C16orf96: variants seen among roughly 807,000 people sequenced by gnomAD.
C16orf96 encodes uncharacterized protein C16orf96.
A neutral mutation model predicts 103.6 loss-of-function variants in C16orf96; 108 were observed. That is an observed-to-expected ratio of 1.04 (90% CI 0.89 to 1.22). The LOEUF is 1.22. Among genes scored for constraint, C16orf96 ranks in the 50% most tolerant of loss-of-function variants. C16orf96 has a pLI of 0.00. For synonymous variants in C16orf96, 566 were observed against 593.5 expected (o/e 0.95, Z 0.67); for missense variants, 1,586 against 1,464.2 (o/e 1.08, Z -1.36).
Position 4,591,769 on chromosome 16 carries a change from C to T in C16orf96, c.2696C>T (p.Ala899Val). 1 of 1,551,050 alleles carries T rather than the reference C, an allele frequency of 6.4e-7. No homozygotes were observed. The highest frequency in any genetic ancestry group is 8.7e-7 in the Non-Finnish European group (1 of 1,146,856). The stretch of plus-strand genomic sequence containing the variant: ...GGCTTAAGACTGGATCCTGACAGTG[C>T]TGCTGGCTTTAGGAGGTGAGTGCCC... ...IEGLRLDPDSAAGFRRKLFKR... is the reference protein window; with the variant it reads ...IEGLRLDPDSVAGFRRKLFKR... Residue 899 changes from alanine (A) to valine (V), a missense_variant, in exon 10 of 16, where the codon GCT becomes GTT. Ala to Val is a moderately conservative substitution (Grantham distance 64). Transcript: ENST00000444310.
At chr16:4,573,953 C>A (rs977830932) in intron 2 of C16orf96, among the ~76,000 whole-genome samples, 1 of 150,868 alleles carries the variant, frequency 6.6e-6, no homozygotes, top group Non-Finnish European at 1.5e-5. Context: ...CCTGCCTCAG[C>A]CTCCTGAGTA....
rs1291284690 is a variant in C16orf96 at position 4,556,883 on chromosome 16, G to A, written c.394G>A (p.Glu132Lys). ...TCTGATCAAGCTCCGGAAGATGGTG[G>A]AGGGTCATGATGAAGTCATGGCCAA... ...WHLIKLRKMV[E>K]GHDEVMAKSM... Residue 132 changes from glutamate (E) to lysine (K), a missense_variant, in exon 1 of 16, where the codon GAG becomes AAG. Transcript: ENST00000444310. 2.6e-6 allele frequency: 4 copies of A among 1,548,964 alleles called. No individual in the cohort carries two copies. In the South Asian group the frequency reaches 4.8e-5, roughly 18 times the overall value.
chr16:4,586,682 G>A (rs1014249140), intron 7 of C16orf96, among the ~76,000 whole-genome samples: 4 of 152,228 alleles, frequency 2.6e-5, no homozygotes, highest in African/African-American at 9.6e-5. Context: ...GTAGACTGGA[G>A]TTCCTGCTGG....
chr16:4,578,431 C>T (rs2059540379), intron 5 of C16orf96, among the ~76,000 whole-genome samples: 1 of 152,094 alleles, frequency 6.6e-6, no homozygotes, highest in South Asian at 2.1e-4. Flanking sequence ...GCGTGAGCCA[C>T]TGCACCTGAT....
upstream of C16orf96, among the ~76,000 whole-genome samples, chr16:4,555,361 G>A (rs1596509130): frequency 6.6e-6 from 1 of 151,578 alleles, no homozygotes; most frequent in African/African-American, 2.4e-5. Context: ...AGAAATGAAT[G>A]TAGTTCTTCA....
the C16orf96 span, among the ~76,000 whole-genome samples, chr16:4,546,634 A>G: frequency 1.3e-5 from 2 of 151,118 alleles, no homozygotes; most frequent in South Asian, 2.1e-4. Context: ...CCAGCTATTT[A>G]TTTGTTATTT....
chr16:4,594,493 G>A lies in C16orf96; in HGVS notation c.3010G>A (p.Val1004Met), dbSNP rs374456987. Residue 1004 changes from valine to methionine, a missense_variant, in exon 13 of 16, where the codon GTG becomes ATG. Transcript: ENST00000444310. ...GCTCTATCCCTACGGGGATCCCCACGTGATCGACTATGACAGCGTGAGTCT... is the reference window on the plus strand; with the variant it reads ...GCTCTATCCCTACGGGGATCCCCACATGATCGACTATGACAGCGTGAGTCT... Reference protein sequence around the residue: ...LTLYPYGDPHVIDYDSAEVDI... With the variant: ...LTLYPYGDPHMIDYDSAEVDI... 3.1e-5 allele frequency: 48 copies of A among 1,551,270 alleles called. No individual in the cohort carries two copies. Among genetic ancestry groups the A allele is most frequent in the Admixed American group, 1.6e-4 (8 of 50,994 alleles).
intron 7 of C16orf96, among the ~76,000 whole-genome samples, chr16:4,582,008 G>A (rs893879980): frequency 7.9e-5 from 12 of 152,162 alleles, no homozygotes; most frequent in Admixed American, 5.9e-4. Flanking sequence ...ACGGCCAGGC[G>A]CGGTGGTTCA....
chr16:4,541,493 C>T, the C16orf96 span, among the ~76,000 whole-genome samples: 145 of 152,282 alleles, frequency 9.5e-4, no homozygotes, highest in African/African-American at 3.4e-3. Flanking sequence ...AGGATCCCTT[C>T]AGCCCAGCAG....
intron 7 of C16orf96, among the ~76,000 whole-genome samples, 197 bp from the exon 8 acceptor site, chr16:4,586,842 A>T (rs755812665): frequency 1.5e-4 from 23 of 152,202 alleles, no homozygotes; most frequent in Non-Finnish European, 3.1e-4. Context: ...GCTTGTCCCA[A>T]GTCGCACGTT....
intron 7 of C16orf96, among the ~76,000 whole-genome samples, chr16:4,580,710 G>A (rs2059574594): frequency 6.6e-6 from 1 of 152,180 alleles, no homozygotes; most frequent in African/African-American, 2.4e-5. Context: ...GCTGGGACTG[G>A]GCGCGGTGGT....
At chr16:4,594,628 G>A (rs1166084004) in intron 13 of C16orf96, 76 bp from the exon 14 acceptor site, 3 of 1,539,866 alleles carry the variant, frequency 1.9e-6, no homozygotes, top group Non-Finnish European at 2.6e-6. Context: ...CTGTCTCCTG[G>A]GCTTCTGCGT....
At chr16:4,577,301 G>T (rs953730444) in intron 5 of C16orf96, among the ~76,000 whole-genome samples, 2 of 152,204 alleles carry the variant, frequency 1.3e-5, no homozygotes, top group East Asian at 1.9e-4. Context: ...GGAGGCCAAG[G>T]CAGGAAGACT....
rs2059262516 is a variant in C16orf96 at position 4,556,408 on chromosome 16, T to A, written c.-82T>A. 7.9e-6 allele frequency: 11 copies of A among 1,392,172 alleles called. No individual in the cohort carries two copies. The South Asian group carries it at 1.6e-4, about 20-fold the overall frequency. The allele number at this position is 1,392,172 out of a possible 1,614,324, so 86.2% of individuals were successfully genotyped here. ...CCCCAGGCCTCTGAGGACCAGTCCATGTAGCTCTCGGAACCACTGAAAGCT... is the reference window on the plus strand; with the variant it reads ...CCCCAGGCCTCTGAGGACCAGTCCAAGTAGCTCTCGGAACCACTGAAAGCT... On this transcript the variant is annotated 5_prime_UTR_variant, in exon 1 of 16. It removes an upstream start codon present in the reference 5' UTR. Transcript: ENST00000444310.
At chr16:4,571,249 G>T (rs994567487) in intron 1 of C16orf96, among the ~76,000 whole-genome samples, 1 of 152,118 alleles carries the variant, frequency 6.6e-6, no homozygotes, top group Non-Finnish European at 1.5e-5. Context: ...CTCCTACCCA[G>T]GGATGGGCTG....
chr16:4,549,202 C>T, the C16orf96 span, among the ~76,000 whole-genome samples: 170 of 152,026 alleles, frequency 1.1e-3, no homozygotes, highest in African/African-American at 3.6e-3. Flanking sequence ...AGGCCGGGCG[C>T]GGTGGCTCAC....
intron 1 of C16orf96, among the ~76,000 whole-genome samples, chr16:4,570,243 T>G (rs747734311): frequency 6.6e-6 from 1 of 152,092 alleles, no homozygotes; most frequent in Non-Finnish European, 1.5e-5. Context: ...TTCACTTTCT[T>G]TTTGGTACCA....
chr16:4,596,135 C>T (rs1897166208), intron 14 of C16orf96, among the ~76,000 whole-genome samples: 1 of 152,120 alleles, frequency 6.6e-6, no homozygotes, highest in Non-Finnish European at 1.5e-5. Context: ...AGACAAATTA[C>T]CACAAGCAGG....
rs1010487027 is a variant in C16orf96, at chr16:4,600,059, G to T, written c.3209-41G>T. 10 of 1,513,804 alleles carry T rather than the reference G, an allele frequency of 6.6e-6. No homozygotes were observed. In the African/African-American group the frequency reaches 1.2e-4, roughly 19 times the overall value. 93.8% of individuals were successfully genotyped at this position (1,513,804 alleles called of 1,614,324 possible). A position where few individuals can be genotyped will look rare whatever the true frequency, so the allele number is the denominator to read the frequency against. On this transcript the variant is annotated intron_variant, in intron 15 of 15. Transcript: ENST00000444310. ...CATCAGGCTAGTGTCTCCCAAGAAG[G>T]TTCTTGGCACACATCTAGGGTTTCT...
Sources: gnomAD v4.1 joint callset for allele counts (sites outside exome capture counted in the v4.1 genomes callset) on GRCh38, gnomAD v4.1.1 for gene constraint, MANE v1.5 for transcripts, NCBI Gene and HGNC (gene_info 2026-07-23, HGNC 2026-07-21) for gene names.